The following PCDHGA11 variants were observed in gnomAD, a reference collection of about 807,000 sequenced individuals.
PCDHGA11 encodes protocadherin gamma-A11.
Under a neutral mutation model 60.4 loss-of-function variants are expected in PCDHGA11, and 39 were observed. The ratio of observed to expected loss-of-function variants is 0.65; its 90% CI spans 0.50 to 0.84. The LOEUF (loss-of-function observed/expected upper bound fraction) is 0.84, where lower values mean the gene tolerates loss of function less well. PCDHGA11 is among the 40% of genes least tolerant of loss of function. PCDHGA11 has a pLI of 0.00. For missense variants in PCDHGA11, 1,165 were observed against 1,197.7 expected (o/e 0.97, Z 0.40); for synonymous variants, 533 against 510.3 (o/e 1.04, Z -0.60).
intron 2 of PCDHGA11, among the ~76,000 whole-genome samples, chr5:141,499,301 TC>T (rs771049830): frequency 6.6e-6 from 1 of 152,166 alleles, no homozygotes; most frequent in Non-Finnish European, 1.5e-5. Context: ...CTACCATCCC[TC>T]CTCTGAGAGA....
rs956295940 is a variant in PCDHGA11 at position 141,477,700 on chromosome 5, G to T, written c.2434-17107G>T. The T allele has an allele frequency of 1.2e-6, 2 of 1,613,954 alleles. No individual in the cohort carries two copies. Among genetic ancestry groups the T allele is most frequent in the African/African-American group, 2.7e-5 (2 of 74,928 alleles). On this transcript the variant is annotated intron_variant, in intron 1 of 3. Coordinates refer to ENST00000398587, the MANE Select transcript of PCDHGA11 (RefSeq NM_018914.3). This position sits in a 1 kb window ranked among gnomAD's most constrained non-coding sequence, Gnocchi z 4.9. ...CATCCTTAGTGCCCCTAGACTATGAGGATCGGCGGGAATTTGAATTAACAG... is the reference window on the plus strand; with the variant it reads ...CATCCTTAGTGCCCCTAGACTATGATGATCGGCGGGAATTTGAATTAACAG...
At chr5:141,471,571 A>G (rs1417147609) in intron 1 of PCDHGA11, 1 of 152,224 alleles carries the variant, frequency 6.6e-6, no homozygotes, top group African/African-American at 2.4e-5. Context: ...GGGTAGCAGT[A>G]GATAGGGTAA....
intron 3 of PCDHGA11, 94 bp downstream of exon 3, chr5:141,505,575 C>T: frequency 6.3e-7 from 1 of 1,592,302 alleles, no homozygotes. Context: ...GATGTCAAAC[C>T]TGTGTAGTTT....
At chr5:141,508,604 A>G (rs2099870124) in intron 3 of PCDHGA11, among the ~76,000 whole-genome samples, 1 of 152,150 alleles carries the variant, frequency 6.6e-6, no homozygotes, top group African/African-American at 2.4e-5. Flanking sequence ...TCTTGGGTGC[A>G]CATAGGACGT....
intron 1 of PCDHGA11, among the ~76,000 whole-genome samples, chr5:141,482,530 C>CAAAAAAAAAAAAAA (rs3074545): frequency 1.2e-4 from 9 of 76,558 alleles, no homozygotes; most frequent in African/African-American, 3.8e-4. Flanking sequence ...GACAGACATG[C>CAAAAAAAAAAAAAA]AAAAAAAAAA....
intron 2 of PCDHGA11, among the ~76,000 whole-genome samples, chr5:141,503,100 G>A (rs563699751): frequency 6.6e-6 from 1 of 151,592 alleles, no homozygotes; most frequent in South Asian, 2.1e-4. Context: ...TGGTCTGCCC[G>A]CCCCTGCCTC....
intron 1 of PCDHGA11, chr5:141,478,798 T>G: frequency 6.8e-7 from 1 of 1,463,780 alleles, no homozygotes. Flanking sequence ...TCCTCAGCAC[T>G]CTTTTGCTAT....
chr5:141,427,129 T>A lies in PCDHGA11; in HGVS notation c.2433+3469T>A, dbSNP rs752552669. ...GAGATCACCTACTCTTTCAAATCCC[T>A]ACGAGATGATATTGGAAATATGTTT... On this transcript the variant is annotated intron_variant, in intron 1 of 3. Coordinates refer to ENST00000398587, the MANE Select transcript of PCDHGA11 (RefSeq NM_018914.3). 125 of 457,106 alleles carry A rather than the reference T, an allele frequency of 2.7e-4. 2 individuals are homozygous for A. Among genetic ancestry groups the A allele is most frequent in the Non-Finnish European group, 4.0e-5 (9 of 227,024 alleles). The allele number at this position is 457,106 out of a possible 1,614,324, so 28.3% of individuals were successfully genotyped here.
chr5:141,447,823 C>T lies in PCDHGA11; in HGVS notation c.2433+24163C>T, dbSNP rs192381755. ...AAAATTGGCTGGGCGTGGTGGCTCA[C>T]GCCTGTAATCCCAGTGCTTTGGGAG... On this transcript the variant is annotated intron_variant, in intron 1 of 3. Coordinates refer to ENST00000398587, the MANE Select transcript of PCDHGA11 (RefSeq NM_018914.3). Among the ~76,000 whole-genome samples, 677 of 152,272 alleles carry T rather than the reference C, an allele frequency of 4.4e-3. 5 individuals are homozygous for T. Among genetic ancestry groups the T allele is most frequent in the African/African-American group, 0.015 (635 of 41,548 alleles).
chr5:141,492,787 G>A (rs1308203463), intron 1 of PCDHGA11, among the ~76,000 whole-genome samples: 2 of 152,254 alleles, frequency 1.3e-5, no homozygotes, highest in Admixed American at 6.5e-5. Context: ...AGCCTCTATA[G>A]GACAGCAGGA....
Position 141,487,397 on chromosome 5 carries a change from G to A in PCDHGA11, c.2434-7410G>A. 1 of 1,614,062 alleles carries A rather than the reference G, an allele frequency of 6.2e-7. No homozygotes were observed. Among genetic ancestry groups the A allele is most frequent in the Middle Eastern group, 1.6e-4 (1 of 6,062 alleles). Reference sequence around the variant, plus strand: ...TCTCACCAGATCTCGAAGGAGGGAGGGGCTTCCCCCTTCCAATGGGATCCT... The same window carrying A: ...TCTCACCAGATCTCGAAGGAGGGAGAGGCTTCCCCCTTCCAATGGGATCCT... On this transcript the variant is annotated intron_variant, in intron 1 of 3. Coordinates refer to ENST00000398587, the MANE Select transcript of PCDHGA11 (RefSeq NM_018914.3). This position sits in a 1 kb window ranked among gnomAD's most constrained non-coding sequence, Gnocchi z 5.0.
intron 1 of PCDHGA11, among the ~76,000 whole-genome samples, chr5:141,446,719 G>C (rs899985752): frequency 2.6e-5 from 4 of 152,056 alleles, no homozygotes; most frequent in Admixed American, 1.3e-4. Flanking sequence ...TGCCCGCCTC[G>C]GCCTCCCAAA....
rs866649962 is a variant in PCDHGA11 at position 141,482,106 on chromosome 5, T to A, written c.2434-12701T>A. Reference sequence around the variant, plus strand: ...CTCCATCTCAAAAAAAAAAAAAAAATATCTAGAGATGGGAGAATCATATGG... The same window carrying A: ...CTCCATCTCAAAAAAAAAAAAAAAAAATCTAGAGATGGGAGAATCATATGG... On this transcript the variant is annotated intron_variant, in intron 1 of 3. Transcript: ENST00000398587. 2.5e-3 allele frequency among the ~76,000 whole-genome samples: 342 copies of A among 138,882 alleles called. 1 individual carries two copies. Among genetic ancestry groups the A allele is most frequent in the Middle Eastern group, 0.011 (3 of 272 alleles). 91.1% of individuals were successfully genotyped at this position (138,882 alleles called of 152,430 possible). A position where few individuals can be genotyped will look rare whatever the true frequency, so the allele number is the denominator to read the frequency against.
chr5:141,482,753 G>A (rs2154579665), intron 1 of PCDHGA11, among the ~76,000 whole-genome samples: 1 of 127,136 alleles, frequency 7.9e-6, no homozygotes. Context: ...GAGGGATTAT[G>A]GTATTTCATT....
In PCDHGA11 at chr5:141,477,772, C is replaced by G. The variant is rs760319541; in HGVS notation, c.2434-17035C>G. The G allele has an allele frequency of 1.5e-5, 25 of 1,613,908 alleles. No homozygotes were observed. Among genetic ancestry groups the G allele is most frequent in the Non-Finnish European group, 2.1e-5 (25 of 1,180,042 alleles). On this transcript the variant is annotated intron_variant, in intron 1 of 3. Coordinates refer to ENST00000398587, the MANE Select transcript of PCDHGA11 (RefSeq NM_018914.3). This position sits in a 1 kb window ranked among gnomAD's most constrained non-coding sequence, Gnocchi z 4.9. Reference sequence around the variant, plus strand: ...CCCCGGTCCTAGCCACCAACATCAGCGTGAACATATTTGTCACTGATCGCA... The same window carrying G: ...CCCCGGTCCTAGCCACCAACATCAGGGTGAACATATTTGTCACTGATCGCA...
At chr5:141,451,597 C>CAAGG (rs1434393705) in intron 1 of PCDHGA11, among the ~76,000 whole-genome samples, 3 of 152,076 alleles carry the variant, frequency 2.0e-5, no homozygotes, top group Non-Finnish European at 2.9e-5. Flanking sequence ...AAGTGACATA[C>CAAGG]AAGGCTAGGC....
At position 141,476,573 on chromosome 5, in the gene PCDHGA11, C is replaced by T; in HGVS notation, c.2434-18234C>T. 6.2e-7 allele frequency: 1 copy of T among 1,614,216 alleles called. No homozygotes were observed. Among genetic ancestry groups the T allele is most frequent in the Non-Finnish European group, 8.5e-7 (1 of 1,180,038 alleles). On this transcript the variant is annotated intron_variant, in intron 1 of 3. Coordinates refer to ENST00000398587, the MANE Select transcript of PCDHGA11 (RefSeq NM_018914.3). The surrounding 1 kb of genome is among the most constrained non-coding windows in gnomAD (Gnocchi z 7.6). ...TAGCGAGGCCGTGGCTCCGGGGACG[C>T]GCTTTCCGCTCGAGAGCGCGCACGA... is the stretch of plus-strand genomic sequence containing the variant.
At chr5:141,510,579 C>T (rs2099881748) in intron 3 of PCDHGA11, among the ~76,000 whole-genome samples, 1 of 152,170 alleles carries the variant, frequency 6.6e-6, no homozygotes, top group Non-Finnish European at 1.5e-5. Flanking sequence ...CACTATTTTA[C>T]GTACCTGACA....
intron 1 of PCDHGA11, chr5:141,430,828 G>C (rs760402028): frequency 1.3e-6 from 2 of 1,554,030 alleles, no homozygotes; most frequent in East Asian, 2.2e-5. Context: ...TGGGGACTCT[G>C]TGGGAGACCG....
Sources: gnomAD v4.1 joint callset for allele counts (sites outside exome capture counted in the v4.1 genomes callset) on GRCh38, gnomAD v4.1.1 for gene constraint, Gnocchi (gnomAD v3.1) non-coding constraint, MANE v1.5 for transcripts, NCBI Gene and HGNC (gene_info 2026-07-23, HGNC 2026-07-21) for gene names.